Variants in PPP4R3B observed in about 807,000 individuals in gnomAD.
The protein encoded by PPP4R3B is serine/threonine-protein phosphatase 4 regulatory subunit 3B.
PPP4R3B carries 52 observed loss-of-function variants against 95.4 expected under a neutral mutation model. That is an observed-to-expected ratio of 0.54 (90% CI 0.44 to 0.69). The LOEUF is 0.69. PPP4R3B is among the 30% of genes least tolerant of loss of function. The pLI is 0.00. For missense variants in PPP4R3B, 1,003 were observed against 1,005.9 expected, an observed-to-expected ratio of 1.00 and a Z score of 0.04; for synonymous variants, 407 against 343.9, an observed-to-expected ratio of 1.18 and a Z score of -2.03.
intron 16 of PPP4R3B, among the ~76,000 whole-genome samples, chr2:55,552,536 T>G (rs969732715): frequency 6.6e-6 from 1 of 152,150 alleles, no homozygotes; most frequent in Admixed American, 6.5e-5. Context: ...TTGGGCTACA[T>G]GCATGCACCA....
intron 4 of PPP4R3B, among the ~76,000 whole-genome samples, chr2:55,592,664 G>A (rs1031309222): frequency 4.6e-5 from 7 of 152,010 alleles, no homozygotes; most frequent in Non-Finnish European, 1.5e-5. Context: ...ATCCTGCTGG[G>A]CTAATTTTAA....
At chr2:55,586,175 T>C (rs1274881244) in intron 6 of PPP4R3B, among the ~76,000 whole-genome samples, 5 of 152,174 alleles carry the variant, frequency 3.3e-5, no homozygotes. Flanking sequence ...TAATGGGTTA[T>C]CATTTTTAAA....
At chr2:55,576,199 A>C (rs1688638080) in intron 11 of PPP4R3B, among the ~76,000 whole-genome samples, 1 of 152,002 alleles carries the variant, frequency 6.6e-6, no homozygotes, top group Admixed American at 6.6e-5. Flanking sequence ...ATACAAAAAA[A>C]TTAGTTGGGC....
At chr2:55,577,384 A>C (rs1430919323) in intron 10 of PPP4R3B, 28 bp from the exon 11 acceptor site, 1 of 1,425,914 alleles carries the variant, frequency 7.0e-7, no homozygotes, top group African/African-American at 1.5e-5. Flanking sequence ...AATTAAAATA[A>C]AATACTTCAG....
intron 8 of PPP4R3B, among the ~76,000 whole-genome samples, 168 bp from the exon 9 acceptor site, chr2:55,579,949 G>T (rs1320400229): frequency 6.6e-6 from 1 of 151,870 alleles, no homozygotes; most frequent in Non-Finnish European, 1.5e-5. Context: ...TCAAACACTT[G>T]GTTATACGTT....
At position 55,568,369 on chromosome 2, in the gene PPP4R3B, T is replaced by C. The variant is rs768561187; in HGVS notation, c.1766-6A>G. 3.8e-6 allele frequency: 6 copies of C among 1,587,068 alleles called. No individual in the cohort carries two copies. Among genetic ancestry groups the C allele is most frequent in the South Asian group, 1.2e-5 (1 of 85,532 alleles). ...CCTCATAAAGCGAAGGGCACCTAAT[T>C]AAAAATAATATAGGGAATAAGTTAA... On this transcript the variant is annotated splice_polypyrimidine_tract_variant and splice_region_variant and intron_variant, in intron 12 of 16. Coordinates refer to ENST00000616407, the MANE Select transcript of PPP4R3B (RefSeq NM_001122964.3).
At chr2:55,563,945 T>C (rs1157102391) in intron 15 of PPP4R3B, among the ~76,000 whole-genome samples, 1 of 152,190 alleles carries the variant, frequency 6.6e-6, no homozygotes, top group Non-Finnish European at 1.5e-5. Context: ...TTATCAGCTG[T>C]AAAAGACACA....
In PPP4R3B at chr2:55,568,215, C is replaced by T. The variant is rs1303063164; in HGVS notation, c.1914G>A (p.Glu638=). Reference sequence around the variant, plus strand: ...TTACCACTCTTATAAATTCAAACAACTCAATAACAGCTGAATTCAACAGAT... The same window carrying T: ...TTACCACTCTTATAAATTCAAACAATTCAATAACAGCTGAATTCAACAGAT... ...RYNLLNSAVI[E]LFEFIRVEDI... is the part of the protein sequence containing the mutation. Residue 638 remains glutamate (E), a synonymous_variant, in exon 13 of 17, where the codon GAG becomes GAA. Transcript: ENST00000616407. The T allele has an allele frequency of 6.4e-7, 1 of 1,565,546 alleles. No individual in the cohort carries two copies. Among genetic ancestry groups the T allele is most frequent in the East Asian group, 2.3e-5 (1 of 43,220 alleles).
intron 16 of PPP4R3B, among the ~76,000 whole-genome samples, chr2:55,553,076 A>G (rs1162044398): frequency 6.6e-6 from 1 of 152,236 alleles, no homozygotes; most frequent in East Asian, 1.9e-4. Flanking sequence ...CACCAACTAC[A>G]GAGAATTCTA....
At chr2:55,551,265 C>G (rs1685213407) in intron 16 of PPP4R3B, among the ~76,000 whole-genome samples, 1 of 151,960 alleles carries the variant, frequency 6.6e-6, no homozygotes, top group Non-Finnish European at 1.5e-5. Context: ...GAGGGACGAG[C>G]ATCTCTTGAA....
intron 4 of PPP4R3B, among the ~76,000 whole-genome samples, chr2:55,590,282 G>T (rs918947979): frequency 1.3e-5 from 2 of 151,972 alleles, no homozygotes; most frequent in Non-Finnish European, 2.9e-5. Context: ...AGCCGAGATT[G>T]CGCCATTGCA....
chr2:55,576,145 G>T (rs1688631541), intron 11 of PPP4R3B, among the ~76,000 whole-genome samples: 1 of 152,002 alleles, frequency 6.6e-6, no homozygotes, highest in South Asian at 2.1e-4. Flanking sequence ...TCAGGAGTTT[G>T]AGACCATTCT....
intron 16 of PPP4R3B, among the ~76,000 whole-genome samples, chr2:55,551,676 G>A (rs1200853411): frequency 5.3e-5 from 8 of 151,232 alleles, no homozygotes; most frequent in Non-Finnish European, 1.2e-4. Context: ...GCTTGAACCC[G>A]GGAGGCAGAG....
At chr2:55,568,909 G>C (rs1226503634) in intron 12 of PPP4R3B, among the ~76,000 whole-genome samples, 1 of 152,156 alleles carries the variant, frequency 6.6e-6, no homozygotes, top group Non-Finnish European at 1.5e-5. Flanking sequence ...TACAGCTAAA[G>C]TGTGGGCAGC....
At chr2:55,597,384 A>T (rs1295382874) in intron 4 of PPP4R3B, among the ~76,000 whole-genome samples, 1 of 152,114 alleles carries the variant, frequency 6.6e-6, no homozygotes, top group East Asian at 1.9e-4. Flanking sequence ...GCACTTTGGG[A>T]GGCTGAGGTG....
chr2:55,579,904 ATATAAG>A, intron 8 of PPP4R3B, 123 bp from the exon 9 acceptor site: 1 of 469,182 alleles, frequency 2.1e-6, no homozygotes, highest in Non-Finnish European at 3.7e-6. Flanking sequence ...TACAGATCAT[ATATAAG>A]CAGATACTTT....
chr2:55,611,810 T>C (rs1268145044), intron 2 of PPP4R3B, among the ~76,000 whole-genome samples: 1 of 152,092 alleles, frequency 6.6e-6, no homozygotes, highest in East Asian at 1.9e-4. Flanking sequence ...CTTACTACAG[T>C]CTCGACCTCC....
Position 55,564,357 on chromosome 2 carries a change from T to C in PPP4R3B, c.2216A>G (p.Asp739Gly). The change falls in exon 15 of 17, where the codon GAT becomes GGT. Residue 739 changes from aspartate (D) to glycine (G), a missense_variant. By Grantham distance (94) the Asp-to-Gly change is moderately conservative (BLOSUM62 -1). Around this residue, in one of 3 missense-constraint regions of PPP4R3B, gnomAD observed 229 missense variants for 194.7 expected, o/e 1.18. Transcript: ENST00000616407. ...CTTTTCATAATTATCTGGAAAATCATCTTCTGGCTTAGGTTTTTCCACTGG... is the reference window on the plus strand; with the variant it reads ...CTTTTCATAATTATCTGGAAAATCACCTTCTGGCTTAGGTTTTTCCACTGG... ...VAPVEKPKPE[D>G]DFPDNYEKFM... The C allele has an allele frequency of 1.2e-6, 2 of 1,613,514 alleles. No homozygotes were observed. Among genetic ancestry groups the C allele is most frequent in the Non-Finnish European group, 1.7e-6 (2 of 1,179,826 alleles).
chr2:55,575,979 G>A (rs1168778390), intron 11 of PPP4R3B, among the ~76,000 whole-genome samples: 1 of 152,164 alleles, frequency 6.6e-6, no homozygotes, highest in African/African-American at 2.4e-5. Flanking sequence ...CAAGTAAAGA[G>A]TTTCACTTGC....
Sources: gnomAD v4.1 joint callset for allele counts (sites outside exome capture counted in the v4.1 genomes callset) on GRCh38, gnomAD v4.1.1 for gene constraint, gnomAD v4.1.1 regional missense constraint, MANE v1.5 for transcripts, NCBI Gene and HGNC (gene_info 2026-07-23, HGNC 2026-07-21) for gene names.